Variants in RSPO2 observed in about 807,000 individuals in gnomAD.
RSPO2 encodes R-spondin-2.
RSPO2 carries 14 observed loss-of-function variants against 30.9 expected under a neutral mutation model. That is an observed-to-expected ratio of 0.45 (90% confidence interval 0.30 to 0.71). RSPO2 has a LOEUF of 0.71. RSPO2 is among the 30% of genes least tolerant of loss of function. The pLI, the probability that RSPO2 is intolerant of heterozygous loss-of-function variation, is 0.08. For missense variants in RSPO2, 264 were observed against 301.9 expected (o/e 0.87, Z 0.93); for synonymous variants, 107 against 96.4 (o/e 1.11, Z -0.64).
At chr8:107,902,414 T>C (rs1811506803) in intron 5 of RSPO2, among the ~76,000 whole-genome samples, 1 of 152,160 alleles carries the variant, frequency 6.6e-6, no homozygotes. Context: ...TTTGTGCTCT[T>C]CATCCTTCCC....
At position 107,991,740 on chromosome 8, in the gene RSPO2, C is replaced by T. The variant is rs535241778; in HGVS notation, c.95-2496G>A. 4.6e-5 allele frequency among the ~76,000 whole-genome samples: 7 copies of T among 152,236 alleles called. No individual in the cohort carries two copies. In the South Asian group the frequency reaches 1.5e-3, roughly 32 times the overall value. ...AGCAGGCAAAGGACATGAACAGACACTTCTCAAAGGAAGACACACACGTGG... is the reference window on the plus strand; with the variant it reads ...AGCAGGCAAAGGACATGAACAGACATTTCTCAAAGGAAGACACACACGTGG... On this transcript the variant is annotated intron_variant, in intron 2 of 5. Transcript: ENST00000276659.
chr8:108,003,305 ATATATATTTTTTTTTTTTTT>A (rs1447652991), intron 2 of RSPO2, among the ~76,000 whole-genome samples: 12 of 26,438 alleles, frequency 4.5e-4, no homozygotes, highest in African/African-American at 2.3e-3. Flanking sequence ...ATATATATAT[ATATATATTTTTTTTTTTTTT>A]TTTTTTTTTT....
intron 2 of RSPO2, among the ~76,000 whole-genome samples, chr8:108,057,055 C>CAAAAAAAAAAAAAAAAAAAAAAA (rs56727719): frequency 1.7e-4 from 6 of 36,082 alleles, no homozygotes; most frequent in Non-Finnish European, 2.0e-4. Flanking sequence ...GACTCTGTCT[C>CAAAAAAAAAAAAAAAAAAAAAAA]AAAAAAAAAA....
intron 2 of RSPO2, among the ~76,000 whole-genome samples, chr8:108,002,977 G>A (rs1265155254): frequency 6.6e-6 from 1 of 151,656 alleles, no homozygotes; most frequent in Non-Finnish European, 1.5e-5. Context: ...TTCACTGTTG[G>A]TAAAAGTCAA....
At chr8:107,982,755 T>C (rs1484172023) in intron 3 of RSPO2, among the ~76,000 whole-genome samples, 1 of 152,178 alleles carries the variant, frequency 6.6e-6, no homozygotes, top group African/African-American at 2.4e-5. Flanking sequence ...GTTTAAACAG[T>C]GCAACGCTGA....
intron 2 of RSPO2, among the ~76,000 whole-genome samples, chr8:108,046,012 C>T (rs960823878): frequency 6.6e-6 from 1 of 152,070 alleles, no homozygotes; most frequent in Admixed American, 6.6e-5. Context: ...TTCAATAAAA[C>T]ATGAGACACC....
At chr8:107,912,517 G>A (rs1265423140) in intron 5 of RSPO2, among the ~76,000 whole-genome samples, 1 of 152,124 alleles carries the variant, frequency 6.6e-6, no homozygotes, top group Non-Finnish European at 1.5e-5. Context: ...AGGTGGAGCA[G>A]GTCACTTGTG....
chr8:108,056,135 T>C (rs1812234792), intron 2 of RSPO2, among the ~76,000 whole-genome samples: 1 of 152,110 alleles, frequency 6.6e-6, no homozygotes, highest in South Asian at 2.1e-4. Context: ...GGGGAATTGG[T>C]TTTTTCTTGA....
chr8:108,070,278 CTTT>C (rs1050611219), intron 2 of RSPO2, among the ~76,000 whole-genome samples: 7 of 81,204 alleles, frequency 8.6e-5, no homozygotes, highest in African/African-American at 2.9e-4. Context: ...GACCCCATCT[CTTT>C]TTTTTTTTTT....
At chr8:107,965,006 T>G (rs1813749531) in intron 3 of RSPO2, among the ~76,000 whole-genome samples, 1 of 152,170 alleles carries the variant, frequency 6.6e-6, no homozygotes, top group Admixed American at 6.5e-5. Context: ...TATGTAAATC[T>G]TATAAATGAG....
intron 2 of RSPO2, among the ~76,000 whole-genome samples, chr8:108,054,848 T>C (rs1812192994): frequency 6.6e-6 from 1 of 152,170 alleles, no homozygotes. Context: ...GCAGGGTGGC[T>C]CATGCCTCTA....
chr8:107,921,853 A>C (rs1812184374), intron 5 of RSPO2, among the ~76,000 whole-genome samples: 1 of 152,106 alleles, frequency 6.6e-6, no homozygotes, highest in Non-Finnish European at 1.5e-5. Flanking sequence ...AATACAAAAA[A>C]ACACATGATT....
chr8:107,969,739 G>A (rs1227237927), intron 3 of RSPO2, among the ~76,000 whole-genome samples: 2 of 152,166 alleles, frequency 1.3e-5, no homozygotes, highest in Non-Finnish European at 2.9e-5. Context: ...GCAAAGGAAT[G>A]TGATAGTAAT....
chr8:108,071,086 C>T (rs896831702), intron 2 of RSPO2, among the ~76,000 whole-genome samples: 16 of 152,224 alleles, frequency 1.1e-4, no homozygotes, highest in Non-Finnish European at 4.4e-5. Context: ...GCCAAGCCTC[C>T]TGAACAGTTA....
chr8:107,934,565 T>C (rs1001366478), intron 5 of RSPO2, among the ~76,000 whole-genome samples: 3 of 151,776 alleles, frequency 2.0e-5, no homozygotes, highest in Admixed American at 2.0e-4. Flanking sequence ...AGAGACAGGG[T>C]TTCTTCATGT....
At chr8:108,072,305 G>C (rs1377154179) in intron 2 of RSPO2, among the ~76,000 whole-genome samples, 1 of 147,974 alleles carries the variant, frequency 6.8e-6, no homozygotes, top group Admixed American at 6.7e-5. Flanking sequence ...GAAAAACAAT[G>C]AGATGGCAGA....
chr8:108,025,000 C>T (rs1811166737), intron 2 of RSPO2, among the ~76,000 whole-genome samples: 1 of 151,968 alleles, frequency 6.6e-6, no homozygotes, highest in South Asian at 2.1e-4. Flanking sequence ...GTCTGGGTGA[C>T]AAGAAAGACC....
intron 2 of RSPO2, among the ~76,000 whole-genome samples, chr8:108,063,847 C>T (rs1297600608): frequency 1.3e-5 from 2 of 152,248 alleles, no homozygotes; most frequent in East Asian, 3.9e-4. Flanking sequence ...ACCAATGGAA[C>T]AGAACAGAGC....
chr8:107,983,797 G>A, intron 3 of RSPO2: 2 of 1,604,534 alleles, frequency 1.2e-6, no homozygotes, highest in Non-Finnish European at 1.7e-6. Context: ...TCAGAGTTAT[G>A]GAGCTTGCCA....
Sources: gnomAD v4.1 joint callset for allele counts (sites outside exome capture counted in the v4.1 genomes callset) on GRCh38, gnomAD v4.1.1 for gene constraint, MANE v1.5 for transcripts, NCBI Gene and HGNC (gene_info 2026-07-23, HGNC 2026-07-21) for gene names.